The following ZNF536 variants were observed in gnomAD, a reference collection of about 807,000 sequenced individuals.
ZNF536 encodes zinc finger protein 536.
In ZNF536, 13 loss-of-function variants were observed where a neutral mutation model predicts 84.5. The ratio of observed to expected loss-of-function variants is 0.15; its 90% CI spans 0.10 to 0.24. ZNF536 has a LOEUF of 0.24. Ranked by LOEUF, ZNF536 falls within the 10% of genes least tolerant of loss-of-function variation. The probability of loss-of-function intolerance (pLI) is 1.00; values close to 1 mark genes in which losing one functional copy is unlikely to be tolerated. For synonymous variants in ZNF536, 811 were observed against 742.5 expected, an observed-to-expected ratio of 1.09 and a Z score of -1.50; for missense variants, 1,536 against 1,747.5, an observed-to-expected ratio of 0.88 and a Z score of 2.16.
At position 30,417,148 on chromosome 19, in the gene ZNF536, ATTTTTTTTT is replaced by A. The variant is rs71173904; in HGVS notation, c.-2-26393_-2-26385del. On this transcript the variant is annotated intron_variant, in intron 1 of 4. Coordinates refer to ENST00000355537, the MANE Select transcript of ZNF536 (RefSeq NM_014717.3). Reference sequence around the variant, plus strand: ...GCCACCACGCCAGGCTAATTTTTGTATTTTTTTTTTTTTTTTTTTTTTTTTTTTAGTAGA... The same window carrying A: ...GCCACCACGCCAGGCTAATTTTTGTATTTTTTTTTTTTTTTTTTTAGTAGA... Among the ~76,000 whole-genome samples the A allele has an allele frequency of 5.4e-3, 541 of 100,234 alleles. 2 individuals carry two copies. Among genetic ancestry groups the A allele is most frequent in the South Asian group, 9.5e-3 (34 of 3,564 alleles). The allele number at this position is 100,234 out of a possible 152,430, so 65.8% of individuals were successfully genotyped here.
chr19:30,458,641 A>G (rs1654333), intron 2 of ZNF536, among the ~76,000 whole-genome samples: 45,290 of 151,656 alleles, frequency 0.3, 7,726 homozygotes, highest in African/African-American at 0.47. Flanking sequence ...TAGTAAAGAT[A>G]GGGTTTCTCC....
At chr19:30,315,187 C>G (rs943802893) in intron 2 of ZNF536, among the ~76,000 whole-genome samples, 4 of 152,218 alleles carry the variant, frequency 2.6e-5, no homozygotes, top group Non-Finnish European at 5.9e-5. Flanking sequence ...AGGTGCTCAA[C>G]AAATATGCAT....
At chr19:30,711,290 A>T (rs1054919746) in exon 2 of ZNF536, 1 of 152,086 alleles carries the variant, frequency 6.6e-6, no homozygotes, top group Non-Finnish European at 1.5e-5. Flanking sequence ...AGCTGGAGAG[A>T]GCTGGGGGCC....
Position 30,443,895 on chromosome 19 carries a change from G to A in ZNF536, c.333G>A (p.Leu111=), listed in dbSNP as rs2148159154. 6.2e-7 allele frequency: 1 copy of A among 1,613,656 alleles called. No homozygotes were observed. Among genetic ancestry groups the A allele is most frequent in the Admixed American group, 1.7e-5 (1 of 60,020 alleles). Residue 111 remains leucine, a synonymous_variant, in exon 2 of 5, where the codon CTG becomes CTA. Coordinates refer to ENST00000355537, the MANE Select transcript of ZNF536 (RefSeq NM_014717.3). ...AGCAGTTCCTCAACGGGCAGAACCT[G>A]GGCATCATGTCCCAGATGAGCGACA... The part of the protein sequence containing the change: ...DLQQFLNGQN[L]GIMSQMSDIE...
chr19:30,666,986 G>A (rs2050348293), intron 1 of ZNF536, among the ~76,000 whole-genome samples: 1 of 152,096 alleles, frequency 6.6e-6, no homozygotes, highest in Non-Finnish European at 1.5e-5. Flanking sequence ...GGGCCACAGG[G>A]GAAGGTGCTG....
intron 2 of ZNF536, among the ~76,000 whole-genome samples, chr19:30,472,848 G>A (rs570282415): frequency 6.6e-6 from 1 of 152,118 alleles, no homozygotes; most frequent in East Asian, 1.9e-4. Flanking sequence ...GCTCCAAGGT[G>A]GCCTTGGACC....
chr19:30,620,580 C>T (rs1225453819), intron 1 of ZNF536, among the ~76,000 whole-genome samples: 1 of 152,144 alleles, frequency 6.6e-6, no homozygotes, highest in Non-Finnish European at 1.5e-5. Flanking sequence ...CGGCCTCTCT[C>T]CTGGGCCACT....
chr19:30,457,663 A>G (rs1370521071), intron 2 of ZNF536, among the ~76,000 whole-genome samples: 1 of 152,224 alleles, frequency 6.6e-6, no homozygotes, highest in African/African-American at 2.4e-5. Context: ...CCTTGGAGGC[A>G]GTGGCTCATG....
chr19:30,543,667 C>T (rs989068419), intron 3 of ZNF536, among the ~76,000 whole-genome samples: 5 of 152,300 alleles, frequency 3.3e-5, no homozygotes, highest in East Asian at 1.9e-4. Flanking sequence ...CTGCCTGTGC[C>T]GGCCAAATGA....
chr19:30,402,879 G>C (rs2050111831), intron 1 of ZNF536, among the ~76,000 whole-genome samples: 1 of 147,738 alleles, frequency 6.8e-6, no homozygotes, highest in African/African-American at 2.5e-5. Context: ...TGGGTCGGAG[G>C]GGAATGTTAC....
At chr19:30,363,306 C>T (rs1324807375) in intron 3 of ZNF536, among the ~76,000 whole-genome samples, 2 of 152,186 alleles carry the variant, frequency 1.3e-5, no homozygotes, top group African/African-American at 4.8e-5. Context: ...GTCTGGATGA[C>T]CCTCGGTGGC....
intron 1 of ZNF536, among the ~76,000 whole-genome samples, chr19:30,614,140 G>A (rs1318393299): frequency 6.6e-6 from 1 of 152,232 alleles, no homozygotes; most frequent in African/African-American, 2.4e-5. Context: ...TGGGATTACA[G>A]ACGTGAGCCA....
intron 1 of ZNF536, among the ~76,000 whole-genome samples, chr19:30,252,529 G>C (rs2024675257): frequency 6.6e-6 from 1 of 152,136 alleles, no homozygotes; most frequent in Non-Finnish European, 1.5e-5. Flanking sequence ...ATGGACCCTG[G>C]GTCTTTTACT....
intron 1 of ZNF536, among the ~76,000 whole-genome samples, chr19:30,408,200 G>A (rs1038574596): frequency 6.6e-6 from 1 of 152,114 alleles, no homozygotes; most frequent in Non-Finnish European, 1.5e-5. Context: ...TTTGCTTTGG[G>A]TTTGTGGTGA....
intron 2 of ZNF536, among the ~76,000 whole-genome samples, chr19:30,300,206 G>A (rs1415224932): frequency 2.6e-5 from 4 of 151,924 alleles, no homozygotes; most frequent in Admixed American, 6.6e-5. Context: ...GTCCCACCCC[G>A]GTGAATCTGA....
At chr19:30,498,796 G>A (rs925209559) in intron 2 of ZNF536, among the ~76,000 whole-genome samples, 2 of 152,070 alleles carry the variant, frequency 1.3e-5, no homozygotes, top group African/African-American at 2.4e-5. Context: ...TGGGGGACAG[G>A]AGCTCAGGGC....
chr19:30,478,461 G>A (rs147987601), intron 2 of ZNF536, among the ~76,000 whole-genome samples: 1 of 152,054 alleles, frequency 6.6e-6, no homozygotes. Flanking sequence ...CAGATGGGGG[G>A]ATCCTAGTGA....
intron 2 of ZNF536, among the ~76,000 whole-genome samples, chr19:30,496,707 G>A (rs2054734162): frequency 6.6e-6 from 1 of 152,112 alleles, no homozygotes; most frequent in Non-Finnish European, 1.5e-5. Context: ...CAGCACCTGG[G>A]CCTTCTCAAT....
intron 1 of ZNF536, among the ~76,000 whole-genome samples, chr19:30,597,857 ATGT>A (rs1418992164): frequency 1.8e-4 from 28 of 151,666 alleles, no homozygotes; most frequent in African/African-American, 6.6e-4. Context: ...TGTCGTATGC[ATGT>A]TGTTATTGAT....
Sources: allele counts gnomAD v4.1 joint callset (sites outside exome capture counted in the v4.1 genomes callset), GRCh38; gene constraint gnomAD v4.1.1; transcripts MANE v1.5; gene names NCBI Gene and HGNC (gene_info 2026-07-23, HGNC 2026-07-21).